CEP192: variants seen among roughly 807,000 people sequenced by gnomAD.
CEP192 encodes centrosomal protein 192.
Under a neutral mutation model 271.8 loss-of-function variants are expected in CEP192, and 151 were observed. That is an observed-to-expected ratio of 0.56 (90% CI 0.49 to 0.64). The LOEUF is 0.64. Ranked by LOEUF, CEP192 falls within the 30% of genes least tolerant of loss-of-function variation. The probability of loss-of-function intolerance (pLI) is 0.00; values close to 1 mark genes in which losing one functional copy is unlikely to be tolerated. For synonymous variants in CEP192, 995 were observed against 1,076.5 expected (o/e 0.92, Z 1.48); for missense variants, 2,910 against 3,020.5 (o/e 0.96, Z 0.86).
intron 21 of CEP192, among the ~76,000 whole-genome samples, chr18:13,063,051 A>T (rs1272393521): frequency 6.6e-6 from 1 of 152,224 alleles, no homozygotes; most frequent in Non-Finnish European, 1.5e-5. Context: ...GTTGCAAATG[A>T]CTGGATCTCA....
At position 13,087,054 on chromosome 18, in the gene CEP192, T is replaced by C. The variant is rs771165126; in HGVS notation, c.5654T>C (p.Ile1885Thr). 9 of 1,612,754 alleles carry C rather than the reference T, an allele frequency of 5.6e-6. No individual in the cohort carries two copies. The highest frequency in any genetic ancestry group is 7.6e-6 in the Non-Finnish European group (9 of 1,178,912). ...LSGYGGTSNL[I>T]LEGVKKLSDS... is the part of the protein sequence containing the mutation. Reference sequence around the variant, plus strand: ...GGATATGGAGGAACAAGCAATCTTATTTTGGAAGGCGTTAAAAAATTATCT... The same window carrying C: ...GGATATGGAGGAACAAGCAATCTTACTTTGGAAGGCGTTAAAAAATTATCT... The change falls in exon 31 of 45, where the codon ATT becomes ACT. Residue 1885 changes from isoleucine to threonine, a missense_variant. By Grantham distance (89) the Ile-to-Thr change is moderately conservative. Coordinates refer to ENST00000506447, the MANE Select transcript of CEP192 (RefSeq NM_032142.4).
At chr18:13,011,233 A>C (rs555892301) in intron 4 of CEP192, among the ~76,000 whole-genome samples, 2 of 151,976 alleles carry the variant, frequency 1.3e-5, no homozygotes, top group South Asian at 4.1e-4. Context: ...TCTCAAAAAA[A>C]AAAAAAAGAA....
intron 21 of CEP192, among the ~76,000 whole-genome samples, chr18:13,063,852 G>A (rs2037541810): frequency 7.0e-6 from 1 of 143,114 alleles, no homozygotes; most frequent in Non-Finnish European, 1.5e-5. Flanking sequence ...ATGGAGTCTC[G>A]CTCTGTCACC....
Position 13,092,393 on chromosome 18 carries a change from A to G in CEP192, c.6120A>G (p.Gln2040=). 1 of 1,597,426 alleles carries G rather than the reference A, an allele frequency of 6.3e-7. No individual in the cohort carries two copies. Among genetic ancestry groups the G allele is most frequent in the South Asian group, 1.1e-5 (1 of 88,406 alleles). The change falls in exon 34 of 45, where the codon CAA becomes CAG. Residue 2040 remains glutamine, a synonymous_variant. Transcript: ENST00000506447. ...LLVTEVYDLP[Q]RPNDVQLFYG... is the part of the protein sequence containing the mutation. The stretch of plus-strand genomic sequence containing the variant: ...CTATTTCAGTATATGATCTTCCCCA[A>G]CGACCTAATGATGTTCAGCTCTTTT...
chr18:13,062,863 C>T (rs1470624457), intron 21 of CEP192, among the ~76,000 whole-genome samples: 5 of 152,148 alleles, frequency 3.3e-5, no homozygotes, highest in African/African-American at 1.2e-4. Flanking sequence ...TTAACCATCC[C>T]CACCTCACCC....
intron 9 of CEP192, among the ~76,000 whole-genome samples, chr18:13,026,832 G>A (rs949186405): frequency 3.9e-5 from 6 of 151,984 alleles, no homozygotes; most frequent in Admixed American, 1.3e-4. Context: ...CATCATAATT[G>A]TTTTTGATTT....
chr18:13,037,432 A>C (rs1477737289), intron 12 of CEP192, 131 bp downstream of exon 12: 1 of 493,516 alleles, frequency 2.0e-6, no homozygotes, highest in Non-Finnish European at 3.6e-6. Flanking sequence ...ATGGCTAGAC[A>C]ACTTCTGCTT....
At chr18:13,089,374 A>G in intron 32 of CEP192, 82 bp from the exon 33 acceptor site, 1 of 650,326 alleles carries the variant, frequency 1.5e-6, no homozygotes. Flanking sequence ...GGGATTTGCC[A>G]AATGCATTAG....
chr18:13,001,257 A>G (rs1444105468), intron 2 of CEP192, among the ~76,000 whole-genome samples, 200 bp from the exon 3 acceptor site: 2 of 152,122 alleles, frequency 1.3e-5, no homozygotes, highest in Non-Finnish European at 2.9e-5. Context: ...TTGTGACTGT[A>G]TTGTTGAATA....
chr18:13,086,018 A>G (rs1189659303), intron 30 of CEP192, among the ~76,000 whole-genome samples: 1 of 151,936 alleles, frequency 6.6e-6, no homozygotes, highest in African/African-American at 2.4e-5. Context: ...TATTGAGTCC[A>G]TGGAATGTTT....
chr18:13,057,104 C>CTT, intron 19 of CEP192, among the ~76,000 whole-genome samples: 1 of 152,294 alleles, frequency 6.6e-6, no homozygotes, highest in East Asian at 1.9e-4. Flanking sequence ...GGGAGCTGTG[C>CTT]TTTTACTGAC....
intron 44 of CEP192, among the ~76,000 whole-genome samples, chr18:13,123,989 G>A (rs933439615): frequency 1.1e-4 from 16 of 152,064 alleles, no homozygotes; most frequent in East Asian, 5.8e-4. Context: ...GTGAAACCCC[G>A]CCTCTACTAA....
intron 1 of CEP192, among the ~76,000 whole-genome samples, chr18:12,995,405 G>T (rs979958849): frequency 2.6e-5 from 4 of 152,212 alleles, no homozygotes; most frequent in African/African-American, 9.7e-5. Flanking sequence ...ATCAAGAAGA[G>T]AGAATAGTTG....
At chr18:13,035,502 G>A (rs543774677) in intron 11 of CEP192, among the ~76,000 whole-genome samples, 19 of 152,304 alleles carry the variant, frequency 1.2e-4, no homozygotes, top group African/African-American at 4.3e-4. Context: ...CATGAGAATA[G>A]CATGGGAAAG....
intron 44 of CEP192, among the ~76,000 whole-genome samples, chr18:13,120,087 T>C (rs1233147291): frequency 6.6e-6 from 1 of 152,248 alleles, no homozygotes; most frequent in South Asian, 2.1e-4. Context: ...TTTTAAAGAA[T>C]TGCATTTCTG....
At chr18:13,055,397 A>G (rs919004139) in intron 18 of CEP192, among the ~76,000 whole-genome samples, 2 of 152,056 alleles carry the variant, frequency 1.3e-5, no homozygotes, top group Admixed American at 6.6e-5. Flanking sequence ...CAAAGTTGTT[A>G]CCGTTTCAAG....
At chr18:13,109,280 A>G (rs74772962) in intron 40 of CEP192, among the ~76,000 whole-genome samples, 6,647 of 152,260 alleles carry the variant, frequency 0.044, 216 homozygotes, top group East Asian at 0.14. Flanking sequence ...ATCCTAAATG[A>G]ATTAACATGG....
intron 5 of CEP192, among the ~76,000 whole-genome samples, chr18:13,014,604 A>G (rs1466655247): frequency 1.3e-5 from 2 of 152,186 alleles, no homozygotes; most frequent in Non-Finnish European, 2.9e-5. Context: ...CATTTGCCAT[A>G]TTTTAAGTGA....
chr18:13,116,642 C>T (rs1036548393), intron 43 of CEP192, 139 bp downstream of exon 43: 5 of 756,338 alleles, frequency 6.6e-6, no homozygotes, highest in African/African-American at 3.7e-5. Flanking sequence ...GATGGAGTCT[C>T]GCTGTCGCCC....
Sources: gnomAD v4.1 joint callset for allele counts (sites outside exome capture counted in the v4.1 genomes callset) on GRCh38, gnomAD v4.1.1 for gene constraint, MANE v1.5 for transcripts, NCBI Gene and HGNC (gene_info 2026-07-23, HGNC 2026-07-21) for gene names.